SNX24: variants seen among roughly 807,000 people sequenced by gnomAD.
The protein encoded by SNX24 is sorting nexin 24.
A neutral mutation model predicts 28.7 loss-of-function variants in SNX24; 22 were observed. That is an observed-to-expected ratio of 0.77 (90% confidence interval 0.55 to 1.10). SNX24 has a LOEUF of 1.10. Among genes scored for constraint, SNX24 ranks in the 50% least tolerant of loss-of-function variants. The pLI is 0.00. For missense variants in SNX24, 221 were observed against 201.1 expected (o/e 1.10, Z -0.60); for synonymous variants, 69 against 71.5 (o/e 0.96, Z 0.18).
chr5:122,885,226 A>G (rs1756653339), intron 1 of SNX24, among the ~76,000 whole-genome samples: 1 of 151,832 alleles, frequency 6.6e-6, no homozygotes, highest in African/African-American at 2.4e-5. Flanking sequence ...TTTTTCTTGG[A>G]TGTTGCTTCC....
chr5:122,965,628 G>A, intron 3 of SNX24: 1 of 288,472 alleles, frequency 3.5e-6, no homozygotes, highest in South Asian at 3.3e-5. Context: ...GATGGGGATG[G>A]CTCACATTTC....
chr5:122,859,074 A>T (rs1342372984), intron 1 of SNX24, among the ~76,000 whole-genome samples: 1 of 152,106 alleles, frequency 6.6e-6, no homozygotes, highest in African/African-American at 2.4e-5. Flanking sequence ...AATGCCATTG[A>T]TTTCTAGGTA....
At chr5:122,880,275 A>C (rs1400489826) in intron 1 of SNX24, among the ~76,000 whole-genome samples, 1 of 67,450 alleles carries the variant, frequency 1.5e-5, no homozygotes, top group Non-Finnish European at 2.5e-5. Context: ...TGCCAGTGAC[A>C]TAAGGCAGCT....
At chr5:122,876,428 A>C (rs1195203496) in intron 1 of SNX24, among the ~76,000 whole-genome samples, 9 of 152,204 alleles carry the variant, frequency 5.9e-5, no homozygotes, top group Admixed American at 3.9e-4. Context: ...CATTTTAAGG[A>C]ATAGTTTCAT....
At chr5:122,868,270 G>A (rs1755808448) in intron 1 of SNX24, among the ~76,000 whole-genome samples, 1 of 152,060 alleles carries the variant, frequency 6.6e-6, no homozygotes, top group African/African-American at 2.4e-5. Context: ...ATTTCCATTT[G>A]ATGATGGAGT....
At chr5:122,848,541 T>TAAA (rs33950601) in intron 1 of SNX24, among the ~76,000 whole-genome samples, 3 of 135,170 alleles carry the variant, frequency 2.2e-5, no homozygotes, top group Non-Finnish European at 3.2e-5. Context: ...CATCTCTACT[T>TAAA]AAAAAAAAAA....
chr5:123,028,446 T>C, intron 5 of SNX24: 1 of 213,840 alleles, frequency 4.7e-6, no homozygotes, highest in South Asian at 1.7e-4. Context: ...CGCAGCTTCA[T>C]GTTCCACACC....
At chr5:122,869,536 G>A (rs1755881093) in intron 1 of SNX24, among the ~76,000 whole-genome samples, 1 of 152,148 alleles carries the variant, frequency 6.6e-6, no homozygotes, top group South Asian at 2.1e-4. Context: ...TGACATGAAT[G>A]CTTATGCTGC....
At chr5:123,017,632 C>T (rs1186056156) in intron 5 of SNX24, among the ~76,000 whole-genome samples, 1 of 152,034 alleles carries the variant, frequency 6.6e-6, no homozygotes, top group South Asian at 2.1e-4. Context: ...CCACAGTTCC[C>T]TCGTGTTGTG....
chr5:122,889,577 T>C (rs922840692), intron 1 of SNX24, among the ~76,000 whole-genome samples: 1 of 150,684 alleles, frequency 6.6e-6, no homozygotes, highest in Non-Finnish European at 1.5e-5. Flanking sequence ...GGATAAGGGA[T>C]ACTCAATCCG....
chr5:122,944,936 A>C (rs1294247706), intron 2 of SNX24, among the ~76,000 whole-genome samples: 1 of 152,150 alleles, frequency 6.6e-6, no homozygotes, highest in African/African-American at 2.4e-5. Context: ...AGCACATTGC[A>C]CTTAAAGAGG....
intron 1 of SNX24, among the ~76,000 whole-genome samples, chr5:122,919,515 T>G (rs1158585359): frequency 6.6e-6 from 1 of 151,986 alleles, no homozygotes; most frequent in Non-Finnish European, 1.5e-5. Flanking sequence ...TATAGTAGCT[T>G]CTGTAGTAGT....
At chr5:122,877,678 G>A (rs965801679) in intron 1 of SNX24, among the ~76,000 whole-genome samples, 1 of 152,136 alleles carries the variant, frequency 6.6e-6, no homozygotes, top group Non-Finnish European at 1.5e-5. Flanking sequence ...ATGATCTTCT[G>A]CCTACAGGAA....
downstream of SNX24, among the ~76,000 whole-genome samples, chr5:123,013,694 A>G (rs1762632827): frequency 6.6e-6 from 1 of 152,072 alleles, no homozygotes; most frequent in African/African-American, 2.4e-5. Flanking sequence ...AATGTGAACC[A>G]TTTTCTGTTT....
chr5:122,887,460 G>A (rs1756769654), intron 1 of SNX24, among the ~76,000 whole-genome samples: 1 of 152,144 alleles, frequency 6.6e-6, no homozygotes, highest in Non-Finnish European at 1.5e-5. Flanking sequence ...TTTTAAATCT[G>A]AGGACTCGGG....
chr5:122,999,418 C>A (rs185593143), intron 3 of SNX24, among the ~76,000 whole-genome samples: 7 of 151,738 alleles, frequency 4.6e-5, no homozygotes, highest in African/African-American at 1.2e-4. Context: ...AATAATTTAT[C>A]ATATTTCCTA....
intron 1 of SNX24, among the ~76,000 whole-genome samples, chr5:122,895,279 G>A (rs1757152306): frequency 6.6e-6 from 1 of 151,996 alleles, no homozygotes; most frequent in Non-Finnish European, 1.5e-5. Context: ...TAAGCATTAG[G>A]TTTTCCATGA....
intron 3 of SNX24, among the ~76,000 whole-genome samples, chr5:122,963,210 G>A (rs1482324438): frequency 6.6e-6 from 1 of 152,238 alleles, no homozygotes; most frequent in East Asian, 1.9e-4. Context: ...CTCCAGCCTG[G>A]GTGACAGAGT....
At chr5:122,984,432 C>T (rs1761512153) in intron 3 of SNX24, among the ~76,000 whole-genome samples, 1 of 152,142 alleles carries the variant, frequency 6.6e-6, no homozygotes, top group Admixed American at 6.5e-5. Context: ...AGAGCATTAA[C>T]CCCAACTGCA....
Sources: gnomAD v4.1 joint callset for allele counts (sites outside exome capture counted in the v4.1 genomes callset) on GRCh38, gnomAD v4.1.1 for gene constraint, MANE v1.5 for transcripts, NCBI Gene and HGNC (gene_info 2026-07-23, HGNC 2026-07-21) for gene names.